NPSR1: variants seen among roughly 807,000 people sequenced by gnomAD.
NPSR1 encodes the protein neuropeptide S receptor 1, also known as neuropeptide S receptor.
In NPSR1, 48 loss-of-function variants were observed where a neutral mutation model predicts 46.9. The ratio of observed to expected loss-of-function variants is 1.02; its 90% CI spans 0.81 to 1.30. The LOEUF (loss-of-function observed/expected upper bound fraction) is 1.30, where lower values mean the gene tolerates loss of function less well. Among genes scored for constraint, NPSR1 ranks in the 50% most tolerant of loss-of-function variants. NPSR1 has a pLI of 0.00. For synonymous variants in NPSR1, 176 were observed against 168.1 expected, an observed-to-expected ratio of 1.05 and a Z score of -0.36; for missense variants, 450 against 449.5, an observed-to-expected ratio of 1.00 and a Z score of -0.01.
chr7:34,766,324 T>G (rs1237868468), intron 2 of NPSR1, among the ~76,000 whole-genome samples: 1 of 152,130 alleles, frequency 6.6e-6, no homozygotes, highest in Non-Finnish European at 1.5e-5. Context: ...ATTTACTTAC[T>G]CTGTGGCCCA....
At chr7:34,667,537 T>G (rs1391704371) in intron 1 of NPSR1, among the ~76,000 whole-genome samples, 1 of 152,108 alleles carries the variant, frequency 6.6e-6, no homozygotes, top group African/African-American at 2.4e-5. Context: ...CTTACTCAGA[T>G]TCTCCACCTT....
At chr7:34,807,641 A>C (rs1014623333) in intron 3 of NPSR1, among the ~76,000 whole-genome samples, 1 of 152,102 alleles carries the variant, frequency 6.6e-6, no homozygotes, top group African/African-American at 2.4e-5. Flanking sequence ...TGTGGTTTAA[A>C]ATTTTTCTCT....
At chr7:34,783,197 T>C (rs1182110957) in intron 3 of NPSR1, among the ~76,000 whole-genome samples, 1 of 152,136 alleles carries the variant, frequency 6.6e-6, no homozygotes, top group Non-Finnish European at 1.5e-5. Flanking sequence ...GCTATAAGAA[T>C]GTATTCAAGA....
At chr7:34,720,771 A>T (rs562216510) in intron 2 of NPSR1, among the ~76,000 whole-genome samples, 12 of 152,314 alleles carry the variant, frequency 7.9e-5, no homozygotes, top group Middle Eastern at 6.8e-3. Flanking sequence ...GTCAGGAAAA[A>T]GTCTTATTTG....
At chr7:34,821,051 G>A (rs1416685022) in intron 4 of NPSR1, among the ~76,000 whole-genome samples, 1 of 151,684 alleles carries the variant, frequency 6.6e-6, no homozygotes, top group Non-Finnish European at 1.5e-5. Flanking sequence ...AGCCTTGGCT[G>A]AGGAGGAAAT....
At chr7:34,680,476 C>T (rs1317959804) in intron 1 of NPSR1, among the ~76,000 whole-genome samples, 4 of 152,060 alleles carry the variant, frequency 2.6e-5, no homozygotes, top group Admixed American at 1.3e-4. Context: ...CTAAAGAGAG[C>T]ATCATGGCAT....
intron 3 of NPSR1, among the ~76,000 whole-genome samples, chr7:34,796,295 C>T (rs1050293692): frequency 2.0e-5 from 3 of 151,918 alleles, no homozygotes; most frequent in African/African-American, 7.3e-5. Flanking sequence ...TTAGATACAA[C>T]ACCAAAGGCA....
chr7:34,727,359 G>C (rs1198221107), intron 2 of NPSR1, among the ~76,000 whole-genome samples: 2 of 152,056 alleles, frequency 1.3e-5, no homozygotes, highest in African/African-American at 4.8e-5. Context: ...AAGTCATTTT[G>C]AAAAAGCAAT....
intron 3 of NPSR1, among the ~76,000 whole-genome samples, chr7:34,803,461 G>C (rs531462316): frequency 7.3e-5 from 11 of 151,700 alleles, no homozygotes; most frequent in Non-Finnish European, 1.3e-4. Context: ...GTAAACTATC[G>C]CAAGGACAAA....
intron 4 of NPSR1, among the ~76,000 whole-genome samples, chr7:34,814,057 T>C (rs1160107354): frequency 6.6e-6 from 1 of 152,192 alleles, no homozygotes; most frequent in Non-Finnish European, 1.5e-5. Context: ...CTGGGACTGG[T>C]TGGACAGTGG....
At chr7:34,830,092 G>C (rs921533985) in intron 5 of NPSR1, among the ~76,000 whole-genome samples, 2 of 152,208 alleles carry the variant, frequency 1.3e-5, no homozygotes, top group East Asian at 1.9e-4. Flanking sequence ...CCAGGCCCTG[G>C]GGGGGCGAGT....
intron 2 of NPSR1, among the ~76,000 whole-genome samples, chr7:34,708,164 C>T (rs141141561): frequency 6.6e-6 from 1 of 152,236 alleles, no homozygotes; most frequent in East Asian, 1.9e-4. Flanking sequence ...AGGGGAGATG[C>T]AATTCAGCCC....
intron 3 of NPSR1, among the ~76,000 whole-genome samples, chr7:34,785,267 A>C (rs955215843): frequency 1.3e-5 from 2 of 151,770 alleles, no homozygotes; most frequent in Admixed American, 6.6e-5. Context: ...CATTCTCAGT[A>C]AACTATTGCA....
intron 2 of NPSR1, chr7:34,728,924 T>A (rs1784289863): frequency 6.6e-6 from 1 of 152,592 alleles, no homozygotes; most frequent in Non-Finnish European, 1.5e-5. Context: ...TATTAAATAA[T>A]AGAGAGAAAT....
chr7:34,749,982 G>A (rs936058474), intron 2 of NPSR1, among the ~76,000 whole-genome samples: 1 of 152,114 alleles, frequency 6.6e-6, no homozygotes, highest in Non-Finnish European at 1.5e-5. Flanking sequence ...GGGAGGAAGA[G>A]AGTTTTTTTT....
At position 34,709,558 on chromosome 7, in the gene NPSR1, C is replaced by A. The variant is rs35103847; in HGVS notation, c.280+24874C>A. ...TGACCAACCTGATGAATAGAGCCCA[C>A]CAGCCCCAGACCACAGCGTTCCTGA... is the stretch of plus-strand genomic sequence containing the variant. On this transcript the variant is annotated intron_variant, in intron 2 of 8. Transcript: ENST00000360581. Among the ~76,000 whole-genome samples, 761 of 152,258 alleles carry A rather than the reference C, an allele frequency of 5.0e-3. 5 individuals are homozygous for A. Among genetic ancestry groups the A allele is most frequent in the African/African-American group, 0.017 (705 of 41,546 alleles).
intron 3 of NPSR1, among the ~76,000 whole-genome samples, chr7:34,785,896 T>C (rs1339074787): frequency 6.6e-6 from 1 of 152,160 alleles, no homozygotes; most frequent in Non-Finnish European, 1.5e-5. Context: ...ATAAAAAGAT[T>C]AACAGTCATC....
chr7:34,871,871 G>A (rs904492700), intron 8 of NPSR1, among the ~76,000 whole-genome samples: 1 of 151,884 alleles, frequency 6.6e-6, no homozygotes, highest in Non-Finnish European at 1.5e-5. Flanking sequence ...AAGAGTTGGA[G>A]TGGAGTACTT....
At chr7:34,775,319 G>C (rs1786903106) in intron 2 of NPSR1, among the ~76,000 whole-genome samples, 1 of 152,138 alleles carries the variant, frequency 6.6e-6, no homozygotes, top group African/African-American at 2.4e-5. Flanking sequence ...ATGTGTCTTT[G>C]TCTGGTTTTG....
Sources: gnomAD v4.1 joint callset for allele counts (sites outside exome capture counted in the v4.1 genomes callset) on GRCh38, gnomAD v4.1.1 for gene constraint, MANE v1.5 for transcripts, NCBI Gene and HGNC (gene_info 2026-07-23, HGNC 2026-07-21) for gene names.